The following CNGA4 variants were observed in gnomAD, a reference collection of about 807,000 sequenced individuals.
The protein encoded by CNGA4 is cyclic nucleotide-gated channel alpha-4.
Under a neutral mutation model 45.6 loss-of-function variants are expected in CNGA4, and 32 were observed. The ratio of observed to expected loss-of-function variants is 0.70; its 90% confidence interval spans 0.53 to 0.94. CNGA4 has a LOEUF of 0.94. Among genes scored for constraint, CNGA4 ranks in the 40% least tolerant of loss-of-function variants. The pLI, the probability that CNGA4 is intolerant of heterozygous loss-of-function variation, is 0.00. For missense variants in CNGA4, 726 were observed against 755.1 expected (o/e 0.96, Z 0.45); for synonymous variants, 293 against 304.6 (o/e 0.96, Z 0.40).
At chr11:6,239,318 G>T (rs769146038) in intron 1 of CNGA4, 50 bp downstream of exon 1, 1 of 1,612,740 alleles carries the variant, frequency 6.2e-7, no homozygotes, top group Admixed American at 1.7e-5. Flanking sequence ...TCCTCTTGGT[G>T]CCCCAGTCAC....
chr11:6,240,303 C>T lies in CNGA4; in HGVS notation c.509C>T (p.Ala170Val), dbSNP rs1385389400. 1 of 1,614,218 alleles carries T rather than the reference C, an allele frequency of 6.2e-7. No homozygotes were observed. The highest frequency in any genetic ancestry group is 1.1e-5 in the South Asian group (1 of 91,090). The change falls in exon 4 of 6, where the codon GCC (alanine) becomes GTC (valine). Residue 170 changes from alanine (A) to valine (V), a missense_variant. Ala to Val is a moderately conservative substitution (Grantham distance 64). Transcript: ENST00000379936. The surrounding 1 kb of genome is among the most constrained non-coding windows in gnomAD (Gnocchi z 4.9). ...RTAYPNAFRIAKLMLYIFVVI... is the reference protein window; with the variant it reads ...RTAYPNAFRIVKLMLYIFVVI... ...GCTTACCCAAATGCCTTTCGCATTG[C>T]CAAGCTGATGCTTTACATTTTTGTC...
rs947139897 is a variant in CNGA4, at chr11:6,240,814, C to G, written c.917+103C>G. Reference sequence around the variant, plus strand: ...TGCCTGGTGAGCCAGGCAAGGCTGTCAAAATGTAGCATTCAGCCGTGGGTT... The same window carrying G: ...TGCCTGGTGAGCCAGGCAAGGCTGTGAAAATGTAGCATTCAGCCGTGGGTT... On this transcript the variant is annotated intron_variant, in intron 4 of 5. Transcript: ENST00000379936. The surrounding 1 kb of genome is among the most constrained non-coding windows in gnomAD (Gnocchi z 4.9). 7 of 1,383,442 alleles carry G rather than the reference C, an allele frequency of 5.1e-6. No individual in the cohort carries two copies. The African/African-American group carries it at 8.7e-5, about 17-fold the overall frequency. 85.7% of individuals were successfully genotyped at this position (1,383,442 alleles called of 1,614,324 possible).
Position 6,241,761 on chromosome 11 carries a change from C to T in CNGA4, c.1248C>T (p.Ile416=), listed in dbSNP as rs779301925. The stretch of plus-strand genomic sequence containing the variant: ...GTGCAGGGCTCTACTTTGGGGAGAT[C>T]AGCATCATCAACATCAAAGGTGGGT... ...VLGAGLYFGE[I]SIINIKGNMS... is the part of the protein sequence containing the mutation. The change falls in exon 5 of 6, where the codon ATC becomes ATT. Residue 416 remains isoleucine (I), a synonymous_variant. Transcript: ENST00000379936. 3.1e-6 allele frequency: 5 copies of T among 1,613,946 alleles called. No homozygotes were observed. The highest frequency in any genetic ancestry group is 4.2e-6 in the Non-Finnish European group (5 of 1,179,980).
chr11:6,240,390 A>C lies in CNGA4; in HGVS notation c.596A>C (p.Asp199Ala), dbSNP rs1007823218. 1.2e-6 allele frequency: 2 copies of C among 1,614,192 alleles called. No individual in the cohort carries two copies. The highest frequency in any genetic ancestry group is 3.3e-5 in the Admixed American group (2 of 60,028). ...ALSRYLGFGR[D>A]AWVYPDPAQP... ...TCCCGGTACCTGGGCTTCGGGCGTG[A>C]CGCATGGGTGTACCCGGACCCCGCG... Residue 199 changes from aspartate (D) to alanine (A), a missense_variant, in exon 4 of 6, where the codon GAC becomes GCC. By Grantham distance (126) the Asp-to-Ala change is moderately radical. Coordinates refer to ENST00000379936, the MANE Select transcript of CNGA4 (RefSeq NM_001037329.4). This position sits in a 1 kb window ranked among gnomAD's most constrained non-coding sequence, Gnocchi z 4.9.
intron 3 of CNGA4, 72 bp from the exon 4 acceptor site, chr11:6,239,994 G>A (rs1847888009): frequency 3.3e-6 from 5 of 1,534,406 alleles, no homozygotes; most frequent in Non-Finnish European, 3.5e-6. Flanking sequence ...TCCCTGGCCT[G>A]CCCTGGGCAG....
intron 2 of CNGA4, 35 bp downstream of exon 2, chr11:6,239,520 C>T (rs373506746): frequency 6.2e-6 from 10 of 1,604,144 alleles, no homozygotes; most frequent in Non-Finnish European, 8.5e-6. Flanking sequence ...GGCTGGAAGC[C>T]AAAAAGAGGA....
intron 2 of CNGA4, 69 bp downstream of exon 2, chr11:6,239,554 G>A: frequency 1.3e-6 from 2 of 1,577,026 alleles, no homozygotes; most frequent in Admixed American, 1.7e-5. Flanking sequence ...AAGGAGAAGG[G>A]CAGACCCTTG....
upstream of CNGA4, among the ~76,000 whole-genome samples, chr11:6,237,116 C>A (rs1288559580): frequency 6.6e-6 from 1 of 152,156 alleles, no homozygotes; most frequent in African/African-American, 2.4e-5. Flanking sequence ...AACACGCATT[C>A]CAAGAGAACC....
intron 4 of CNGA4, among the ~76,000 whole-genome samples, chr11:6,241,024 A>T (rs912916097): frequency 6.6e-6 from 1 of 152,140 alleles, no homozygotes; most frequent in African/African-American, 2.4e-5. Context: ...GTGGGTGAAG[A>T]AGGGCAATCC....
rs752428191 is a variant in CNGA4, at chr11:6,241,735, G to A, written c.1222G>A (p.Gly408Ser). Reference protein sequence around the residue: ...DDGITQYAVLGAGLYFGEISI... With the variant: ...DDGITQYAVLSAGLYFGEISI... The stretch of plus-strand genomic sequence containing the variant: ...TGGTATCACACAGTATGCTGTGCTC[G>A]GTGCAGGGCTCTACTTTGGGGAGAT... The change falls in exon 5 of 6, where the codon GGT becomes AGT. Residue 408 changes from glycine (G) to serine (S), a missense_variant. Physicochemically the swap from Gly to Ser is moderately conservative, Grantham distance 56. Coordinates refer to ENST00000379936, the MANE Select transcript of CNGA4 (RefSeq NM_001037329.4). The A allele has an allele frequency of 6.8e-6, 11 of 1,614,068 alleles. No homozygotes were observed. Among genetic ancestry groups the A allele is most frequent in the African/African-American group, 2.7e-5 (2 of 74,916 alleles).
At chr11:6,239,905 G>T in intron 3 of CNGA4, 115 bp downstream of exon 3, 1 of 1,340,374 alleles carries the variant, frequency 7.5e-7, no homozygotes. Flanking sequence ...GTGCCTCTAT[G>T]CCTGACAGCA....
At chr11:6,239,825 C>T (rs1399253476) in intron 3 of CNGA4, 35 bp downstream of exon 3, 19 of 1,581,500 alleles carry the variant, frequency 1.2e-5, no homozygotes, top group Admixed American at 3.5e-5. Context: ...CTTTGTCCCA[C>T]ATTCCCTTCC....
intron 5 of CNGA4, among the ~76,000 whole-genome samples, chr11:6,242,252 C>T (rs916801248): frequency 3.3e-5 from 5 of 151,958 alleles, no homozygotes; most frequent in Non-Finnish European, 4.4e-5. Flanking sequence ...TGCCCAACGT[C>T]GCACAGGTAT....
chr11:6,239,002 C>A (rs1847871071), upstream of CNGA4: 21 of 1,412,030 alleles, frequency 1.5e-5, no homozygotes, highest in Non-Finnish European at 1.9e-5. Context: ...GGAGACAGGG[C>A]AGAGTGCTAG....
At chr11:6,235,514 GAAGGT>G (rs1847820154), upstream of CNGA4, 8 of 985,478 alleles carry the variant, frequency 8.1e-6, no homozygotes, top group Non-Finnish European at 9.6e-6. Flanking sequence ...AGGATGAGAG[GAAGGT>G]ACGGTGAAGG....
rs1239877141 is a variant in CNGA4 at position 6,244,290 on chromosome 11, C to T, written c.1609C>T (p.Arg537Ter). 12 of 1,614,080 alleles carry T rather than the reference C, an allele frequency of 7.4e-6. No individual in the cohort carries two copies. Among genetic ancestry groups the T allele is most frequent in the Admixed American group, 6.7e-5 (4 of 60,006 alleles). Residue 537 changes from arginine (R) to a stop codon, truncating the protein, a stop_gained, in exon 6 of 6, where the codon CGA becomes TGA. Transcript: ENST00000379936. LOFTEE classifies it low-confidence loss of function (END_TRUNC). The surrounding 1 kb of genome is among the most constrained non-coding windows in gnomAD (Gnocchi z 4.5). ...YRIERLEWQT[R>*]EWPMPEDLAE... ...CATTGAACGGCTGGAGTGGCAGACT[C>T]GAGAGTGGCCAATGCCCGAGGACCT...
At chr11:6,243,388 G>A (rs1424852956) in intron 5 of CNGA4, among the ~76,000 whole-genome samples, 1 of 152,156 alleles carries the variant, frequency 6.6e-6, no homozygotes, top group Non-Finnish European at 1.5e-5. Context: ...GTCACACGGT[G>A]AAAGCAGGAG....
At chr11:6,236,627 G>T (rs1182542524), upstream of CNGA4, among the ~76,000 whole-genome samples, 1 of 152,134 alleles carries the variant, frequency 6.6e-6, no homozygotes, top group Admixed American at 6.5e-5. Flanking sequence ...TGACTGAAAG[G>T]GGCAGAGTGG....
At chr11:6,239,878 C>A (rs1312258596) in intron 3 of CNGA4, 88 bp downstream of exon 3, 10 of 1,406,934 alleles carry the variant, frequency 7.1e-6, no homozygotes, top group Non-Finnish European at 9.8e-6. Context: ...GCACCCCCAC[C>A]GTGGTAGCAC....
Sources: allele counts gnomAD v4.1 joint callset (sites outside exome capture counted in the v4.1 genomes callset), GRCh38; gene constraint gnomAD v4.1.1; non-coding constraint Gnocchi (gnomAD v3.1); transcripts MANE v1.5; gene names NCBI Gene and HGNC (gene_info 2026-07-23, HGNC 2026-07-21).